Variants in PEX5L observed in about 807,000 individuals in gnomAD.
PEX5L encodes the protein PEX5-related protein.
In PEX5L, 30 loss-of-function variants were observed where a neutral mutation model predicts 84.0. The ratio of observed to expected loss-of-function variants is 0.36; its 90% CI spans 0.27 to 0.48. The LOEUF (loss-of-function observed/expected upper bound fraction) is 0.48. Among genes scored for constraint, PEX5L ranks in the 20% least tolerant of loss-of-function variants. The pLI is 0.99. For missense variants in PEX5L, 533 were observed against 754.6 expected (o/e 0.71, Z 3.44); for synonymous variants, 270 against 283.1 (o/e 0.95, Z 0.46).
intron 8 of PEX5L, among the ~76,000 whole-genome samples, chr3:179,852,031 G>T (rs192546726): frequency 7.1e-4 from 108 of 152,266 alleles, no homozygotes; most frequent in African/African-American, 2.5e-3. Context: ...GGACTGTGAG[G>T]AGTAGTTATC....
intron 8 of PEX5L, among the ~76,000 whole-genome samples, chr3:179,840,165 G>A (rs60577039): frequency 1.9e-5 from 2 of 105,926 alleles, no homozygotes; most frequent in East Asian, 5.1e-4. Flanking sequence ...TGTTTTTTGT[G>A]TGTGTGTGTG....
In PEX5L at chr3:179,874,379, C is replaced by T. The variant is rs746878874; in HGVS notation, c.674G>A (p.Ser225Asn). 62 of 1,612,678 alleles carry T rather than the reference C, an allele frequency of 3.8e-5. No homozygotes were observed. The highest frequency in any genetic ancestry group is 5.1e-5 in the Non-Finnish European group (60 of 1,179,214). The change falls in exon 7 of 15, where the codon AGC becomes AAC. Residue 225 changes from serine (S) to asparagine (N), a missense_variant. Transcript: ENST00000467460. ...TGAAGCCGACTCAGAGTTGAGGGCG[C>T]TTTTTCCACCACTCAGTTCTGGTTG... ...RSQPELSGGKSALNSESASEL... is the reference protein window; with the variant it reads ...RSQPELSGGKNALNSESASEL...
chr3:179,999,405 C>T (rs767154295), intron 1 of PEX5L, among the ~76,000 whole-genome samples: 1 of 152,126 alleles, frequency 6.6e-6, no homozygotes, highest in Non-Finnish European at 1.5e-5. Context: ...GACATAATGG[C>T]AGAGATGGAG....
At chr3:179,939,406 T>C (rs748647733) in intron 2 of PEX5L, among the ~76,000 whole-genome samples, 5 of 152,154 alleles carry the variant, frequency 3.3e-5, no homozygotes, top group Non-Finnish European at 5.9e-5. Context: ...GGGGTTGGGC[T>C]CTGTAATTTG....
chr3:179,828,663 ATGTG>A (rs111516926), intron 8 of PEX5L, among the ~76,000 whole-genome samples: 31 of 146,428 alleles, frequency 2.1e-4, no homozygotes, highest in African/African-American at 2.2e-4. Context: ...AACTATGTGT[ATGTG>A]TGTGTGTGTG....
chr3:179,980,492 C>T (rs1264136546), intron 1 of PEX5L, among the ~76,000 whole-genome samples: 1 of 152,152 alleles, frequency 6.6e-6, no homozygotes, highest in Admixed American at 6.5e-5. Flanking sequence ...CTTGTCATTT[C>T]TCGATCAGTC....
chr3:179,884,499 G>A (rs1479735160), intron 4 of PEX5L, among the ~76,000 whole-genome samples: 1 of 152,222 alleles, frequency 6.6e-6, no homozygotes, highest in African/African-American at 2.4e-5. Flanking sequence ...GCCTCCAGAA[G>A]TAATGTAGTT....
chr3:179,865,113 C>T (rs1354777614), intron 7 of PEX5L, among the ~76,000 whole-genome samples: 5 of 152,160 alleles, frequency 3.3e-5, no homozygotes, highest in Admixed American at 6.6e-5. Context: ...TCTCCGAATT[C>T]TAGGCTTACA....
In PEX5L at chr3:179,797,718, C is replaced by T. The variant is rs986036127; in HGVS notation, c.*4110G>A. On this transcript the variant is annotated 3_prime_UTR_variant, in exon 15 of 15. Coordinates refer to ENST00000467460, the MANE Select transcript of PEX5L (RefSeq NM_016559.3). ...GGGAAACTGCAGTAAAATGTGGATACGAAATGAATTTGAAATTATTTTACA... is the reference window on the plus strand; with the variant it reads ...GGGAAACTGCAGTAAAATGTGGATATGAAATGAATTTGAAATTATTTTACA... The T allele has an allele frequency of 6.0e-5, 9 of 150,068 alleles. No homozygotes were observed. Among genetic ancestry groups the T allele is most frequent in the Non-Finnish European group, 8.9e-5 (6 of 67,702 alleles). 9.3% of individuals were successfully genotyped at this position (150,068 alleles called of 1,614,324 possible).
intron 8 of PEX5L, among the ~76,000 whole-genome samples, chr3:179,842,423 CTATT>C (rs1737651188): frequency 6.6e-6 from 1 of 152,142 alleles, no homozygotes; most frequent in Admixed American, 6.5e-5. Flanking sequence ...AAACAGGAAA[CTATT>C]TAATAAAAAT....
chr3:179,810,938 T>A (rs1308825988), intron 11 of PEX5L, among the ~76,000 whole-genome samples: 1 of 152,132 alleles, frequency 6.6e-6, no homozygotes, highest in Non-Finnish European at 1.5e-5. Context: ...GGGTTCAAGT[T>A]CTGTCTCTGT....
At chr3:179,999,484 G>A (rs1258591659) in intron 1 of PEX5L, among the ~76,000 whole-genome samples, 2 of 152,164 alleles carry the variant, frequency 1.3e-5, no homozygotes, top group Non-Finnish European at 2.9e-5. Context: ...ACTGCTGAGT[G>A]CCCAATTTGC....
chr3:179,814,981 C>A (rs760316290), intron 10 of PEX5L, among the ~76,000 whole-genome samples: 2 of 152,128 alleles, frequency 1.3e-5, no homozygotes, highest in Non-Finnish European at 2.9e-5. Context: ...CCTGCCCCCA[C>A]CCTGGCTTCA....
chr3:179,990,087 A>G (rs1787242723), intron 1 of PEX5L, among the ~76,000 whole-genome samples: 2 of 152,232 alleles, frequency 1.3e-5, no homozygotes, highest in Admixed American at 1.3e-4. Flanking sequence ...CAGTGCTGCC[A>G]TGGCCAGTCA....
chr3:179,894,101 G>C (rs1758445019), intron 3 of PEX5L, among the ~76,000 whole-genome samples: 1 of 151,912 alleles, frequency 6.6e-6, no homozygotes, highest in South Asian at 2.1e-4. Flanking sequence ...TGTTAAATAG[G>C]CCTTTAGTCA....
rs944492711 is a variant in PEX5L, at chr3:179,879,993, G to T, written c.441C>A (p.Ile147=). 7 of 1,613,790 alleles carry T rather than the reference G, an allele frequency of 4.3e-6. No homozygotes were observed. The Admixed American group carries it at 6.7e-5, about 15-fold the overall frequency. The change falls in exon 5 of 15, where the codon ATC becomes ATA. Residue 147 remains isoleucine, a synonymous_variant. Coordinates refer to ENST00000467460, the MANE Select transcript of PEX5L (RefSeq NM_016559.3). ...GGCCTCTCTGCTCAGCATCCGTGCT[G>T]ATGAGGTCAGATCCATCGGCCTTTT... ...LKKKADGSDL[I]STDAEQRGQP...
intron 8 of PEX5L, among the ~76,000 whole-genome samples, chr3:179,853,574 A>T (rs538698517): frequency 1.3e-5 from 2 of 152,178 alleles, no homozygotes; most frequent in South Asian, 4.2e-4. Flanking sequence ...CTTCCTAGGG[A>T]CCTAGTGGAC....
chr3:179,881,152 C>T (rs1754037245), intron 4 of PEX5L: 1 of 152,352 alleles, frequency 6.6e-6, no homozygotes, highest in Non-Finnish European at 1.5e-5. Flanking sequence ...CAGCACTCCT[C>T]TTTAATCTCC....
intron 1 of PEX5L, among the ~76,000 whole-genome samples, chr3:180,002,006 CTTGT>C (rs1468050714): frequency 6.6e-6 from 1 of 152,142 alleles, no homozygotes; most frequent in African/African-American, 2.4e-5. Flanking sequence ...CTTCTTTGTA[CTTGT>C]TTTTCATCTC....
Sources: allele counts gnomAD v4.1 joint callset (sites outside exome capture counted in the v4.1 genomes callset), GRCh38; gene constraint gnomAD v4.1.1; transcripts MANE v1.5; gene names NCBI Gene and HGNC (gene_info 2026-07-23, HGNC 2026-07-21).